Variants in NEB observed in about 807,000 individuals in gnomAD.
NEB encodes the protein nemaline myopathy type 2.
NEB carries 512 observed loss-of-function variants against 952.2 expected under a neutral mutation model. The ratio of observed to expected loss-of-function variants is 0.54; its 90% CI spans 0.50 to 0.58. The LOEUF is 0.58. Among genes scored for constraint, NEB ranks in the 20% least tolerant of loss-of-function variants. NEB has a pLI of 0.00. For synonymous variants in NEB, 2,900 were observed against 3,149.8 expected (o/e 0.92, Z 2.66); for missense variants, 8,428 against 9,231.1 (o/e 0.91, Z 3.56).
At chr2:151,646,029 T>G in intron 55 of NEB, 101 bp downstream of exon 55, 1 of 849,042 alleles carries the variant, frequency 1.2e-6, no homozygotes, top group Non-Finnish European at 1.8e-6. Flanking sequence ...GTTAATTAAT[T>G]AAAATAATTC....
At chr2:151,487,759 A>G (rs2052198593) in intron 181 of NEB, among the ~76,000 whole-genome samples, 1 of 151,740 alleles carries the variant, frequency 6.6e-6, no homozygotes, top group Non-Finnish European at 1.5e-5. Context: ...TATTTTATAC[A>G]TACACACATA....
Position 151,492,212 on chromosome 2 carries a change from C to T in NEB, c.24943G>A (p.Glu8315Lys), listed in dbSNP as rs2057152783. The T allele has an allele frequency of 1.9e-6, 3 of 1,613,956 alleles. No homozygotes were observed. In the East Asian group the frequency reaches 6.7e-5, roughly 36 times the overall value. The change falls in exon 178 of 182, where the codon GAA becomes AAA. Residue 8315 changes from glutamate (E) to lysine (K), a missense_variant. Coordinates refer to ENST00000397345, the MANE Select transcript of NEB (RefSeq NM_001164508.2). ...TCCTGCATGTTCTTCTTTACTCGTTCAGTGATAGGATCTGTCACCACTGGT... is the reference window on the plus strand; with the variant it reads ...TCCTGCATGTTCTTCTTTACTCGTTTAGTGATAGGATCTGTCACCACTGGT... ...FTPVVTDPIT[E>K]RVKKNMQDFS...
rs760128419 is a variant in NEB at position 151,508,023 on chromosome 2, G to T, written c.23433C>A (p.Asn7811Lys). 4.4e-6 allele frequency: 7 copies of T among 1,608,588 alleles called. No homozygotes were observed. In the East Asian group the frequency reaches 1.6e-4, roughly 36 times the overall value. Residue 7811 changes from asparagine to lysine, a missense_variant, in exon 162 of 182, where the codon AAC (asparagine) becomes AAA (lysine). Asn to Lys is a moderately conservative substitution (Grantham distance 94). This residue lies in a region of NEB where 3,374 missense variants were observed against 3,651.5 expected (regional missense o/e 0.92). Coordinates refer to ENST00000397345, the MANE Select transcript of NEB (RefSeq NM_001164508.2). The part of the protein sequence containing the change: ...DTPEIQRVRE[N>K]QKNFSLLQYQ... ...AACTTACAAGGCTGAAGTTCTTTTG[G>T]TTCTCCCGGACTCTCTGTATCTCTG...
intron 51 of NEB, among the ~76,000 whole-genome samples, chr2:151,654,786 C>T (rs1249755848): frequency 2.0e-5 from 3 of 152,136 alleles, no homozygotes; most frequent in Non-Finnish European, 4.4e-5. Context: ...TTACCCAGTA[C>T]TATACATCTC....
rs199662534 is a variant in NEB at position 151,666,217 on chromosome 2, G to A, written c.4904C>T (p.Thr1635Ile). 1.4e-5 allele frequency: 23 copies of A among 1,613,838 alleles called. No homozygotes were observed. The African/African-American group carries it at 2.7e-4, about 19-fold the overall frequency. Residue 1635 changes from threonine to isoleucine, a missense_variant, in exon 41 of 182, where the codon ACA becomes ATA. By Grantham distance (89) the Thr-to-Ile change is moderately conservative (BLOSUM62 -1). Coordinates refer to ENST00000397345, the MANE Select transcript of NEB (RefSeq NM_001164508.2). ...YHTPLDMVSV[T>I]AAKKSQEVAT... ...AACCTCCTGAGATTTCTTTGCAGCTGTCACACTGACCATATCCAGAGGTGT... is the reference window on the plus strand; with the variant it reads ...AACCTCCTGAGATTTCTTTGCAGCTATCACACTGACCATATCCAGAGGTGT...
chr2:151,685,407 T>C (rs1158869807), intron 27 of NEB, among the ~76,000 whole-genome samples: 1 of 152,220 alleles, frequency 6.6e-6, no homozygotes, highest in African/African-American at 2.4e-5. Flanking sequence ...CACAGGGCTG[T>C]AGACTTAGTT....
chr2:151,674,977 T>G (rs187439208), intron 35 of NEB, among the ~76,000 whole-genome samples: 68 of 152,368 alleles, frequency 4.5e-4, no homozygotes, highest in African/African-American at 1.6e-3. Flanking sequence ...GGAGCTCATT[T>G]ATTCTTATGT....
chr2:151,697,227 T>C lies in NEB; in HGVS notation c.1391A>G (p.Glu464Gly). 6.2e-7 allele frequency: 1 copy of C among 1,613,920 alleles called. No individual in the cohort carries two copies. The highest frequency in any genetic ancestry group is 1.1e-5 in the South Asian group (1 of 91,084). ...AGGGAAGAAGCCTTTGCCTCTGTCT[T>C]CTTCGTATTCTGCTTTGTAGTTTTT... is the stretch of plus-strand genomic sequence containing the variant. ...SDKNYKAEYE[E>G]DRGKGFFPQT... The change falls in exon 16 of 182, where the codon GAA becomes GGA. Residue 464 changes from glutamate (E) to glycine (G), a missense_variant. Physicochemically the swap from Glu to Gly is moderately conservative, Grantham distance 98 (BLOSUM62 -2). This residue lies in a region of NEB where 2,851 missense variants were observed against 2,791.5 expected (regional missense o/e 1.02). Coordinates refer to ENST00000397345, the MANE Select transcript of NEB (RefSeq NM_001164508.2).
chr2:151,621,096 G>A (rs2154028156), intron 71 of NEB, 70 bp from the exon 72 acceptor site: 1 of 1,239,856 alleles, frequency 8.1e-7, no homozygotes, highest in Non-Finnish European at 1.2e-6. Flanking sequence ...TTCTGCCAAA[G>A]GAAGACCACT....
At chr2:151,533,400 A>G in intron 143 of NEB, 42 bp downstream of exon 143, 1 of 1,346,286 alleles carries the variant, frequency 7.4e-7, no homozygotes, top group South Asian at 1.3e-5. Flanking sequence ...TGCATCCAAG[A>G]CTTCTTCTAA....
intron 107 of NEB, among the ~76,000 whole-genome samples, chr2:151,575,311 G>A (rs1284573280): frequency 2.0e-5 from 3 of 151,966 alleles, no homozygotes; most frequent in African/African-American, 7.3e-5. Context: ...AAAACCCCCC[G>A]AGGTCCATGT....
At chr2:151,644,329 C>A in intron 56 of NEB, 139 bp downstream of exon 56, 1 of 1,037,606 alleles carries the variant, frequency 9.6e-7, no homozygotes, top group Non-Finnish European at 1.4e-6. Context: ...ATCTTATCCT[C>A]ATCCCACACT....
chr2:151,609,930 G>T lies in NEB; in HGVS notation c.12209C>A (p.Ala4070Asp). ...AGTGACCAAAGTCTGACATTTCTTG[G>T]CCAGCAAGATGCTTAACATGTCCAC... ...SPVDMLSILLAKKCQTLVTDI... is the reference protein window; with the variant it reads ...SPVDMLSILLDKKCQTLVTDI... The change falls in exon 81 of 182, where the codon GCC becomes GAC. Residue 4070 changes from alanine to aspartate, a missense_variant. This residue lies in a region of NEB where 337 missense variants were observed against 297.5 expected (regional missense o/e 1.13). Transcript: ENST00000397345. The T allele has an allele frequency of 6.2e-7, 1 of 1,613,918 alleles. No individual in the cohort carries two copies. The highest frequency in any genetic ancestry group is 8.5e-7 in the Non-Finnish European group (1 of 1,179,850).
At position 151,570,344 on chromosome 2, in the gene NEB, T is replaced by C; in HGVS notation, c.17167A>G (p.Thr5723Ala). 1 of 1,602,526 alleles carries C rather than the reference T, an allele frequency of 6.2e-7. No homozygotes were observed. Among genetic ancestry groups the C allele is most frequent in the Non-Finnish European group, 8.5e-7 (1 of 1,172,682 alleles). Residue 5723 changes from threonine to alanine, a missense_variant, in exon 109 of 182, where the codon ACC becomes GCC. Around this residue, in one of 11 missense-constraint regions of NEB, gnomAD observed 3,374 missense variants for 3,651.5 expected, o/e 0.92. Coordinates refer to ENST00000397345, the MANE Select transcript of NEB (RefSeq NM_001164508.2). ...HEKQKGHYVG[T>A]LTARDDNKIR... ...TTGTTGTCATCCCTGGCTGTGAGGG[T>C]GCCCACGTAGTGTCCCTTCTGCTTC...
chr2:151,699,971 T>A (rs1481577421), intron 13 of NEB, among the ~76,000 whole-genome samples: 1 of 146,040 alleles, frequency 6.8e-6, no homozygotes, highest in Non-Finnish European at 1.5e-5. Context: ...TGCCTAGGTT[T>A]TCTTCTAGGG....
chr2:151,533,581 A>T, intron 142 of NEB, 35 bp from the exon 143 acceptor site: 1 of 1,376,980 alleles, frequency 7.3e-7, no homozygotes. Flanking sequence ...CACAAAAGAG[A>T]CTTATGAAGA....
chr2:151,709,631 G>C (rs1383859387), intron 12 of NEB, 25 bp downstream of exon 12: 1 of 1,519,678 alleles, frequency 6.6e-7, no homozygotes, highest in Non-Finnish European at 9.0e-7. Flanking sequence ...AAACCATCAA[G>C]ATAAATGGGA....
At chr2:151,617,669 A>C (rs1192647978) in intron 74 of NEB, among the ~76,000 whole-genome samples, 1 of 152,148 alleles carries the variant, frequency 6.6e-6, no homozygotes. Context: ...GGTTATGAAA[A>C]GTATAATTGG....
rs2099312556 is a variant in NEB, at chr2:151,672,444, T to C, written c.4224A>G (p.Pro1408=). The C allele has an allele frequency of 1.2e-6, 2 of 1,614,012 alleles. No individual in the cohort carries two copies. The highest frequency in any genetic ancestry group is 1.7e-6 in the Non-Finnish European group (2 of 1,179,866). The change falls in exon 37 of 182, where the codon CCA becomes CCG. Residue 1408 remains proline, a synonymous_variant. Transcript: ENST00000397345. ...CAGGTAGGTATGTGTAATGATGCAA[T>C]GGCTGTTTGTAGTTGACATTGGTAG... is the stretch of plus-strand genomic sequence containing the variant. ...DVATNVNYKQ[P]LHHYTYLPDA...
Sources: gnomAD v4.1 joint callset for allele counts (sites outside exome capture counted in the v4.1 genomes callset) on GRCh38, gnomAD v4.1.1 for gene constraint, gnomAD v4.1.1 regional missense constraint, MANE v1.5 for transcripts, NCBI Gene and HGNC (gene_info 2026-07-23, HGNC 2026-07-21) for gene names.